Variants in DIPK1B observed in about 807,000 individuals in gnomAD.
DIPK1B encodes the protein divergent protein kinase domain 1B, also known as family with sequence similarity 69 member B.
Under a neutral mutation model 20.7 loss-of-function variants are expected in DIPK1B, and 17 were observed. That is an observed-to-expected ratio of 0.82 (90% confidence interval 0.56 to 1.23). The LOEUF (loss-of-function observed/expected upper bound fraction) is 1.23. Among genes scored for constraint, DIPK1B ranks in the 50% most tolerant of loss-of-function variants. The pLI is 0.00. For synonymous variants in DIPK1B, 343 were observed against 276.5 expected (o/e 1.24, Z -2.39); for missense variants, 648 against 601.8 (o/e 1.08, Z -0.80).
In DIPK1B at chr9:136,723,767, A is replaced by G. The variant is rs1390409888; in HGVS notation, c.1289A>G (p.Tyr430Cys). 6.5e-7 allele frequency: 1 copy of G among 1,534,090 alleles called. No homozygotes were observed. The highest frequency in any genetic ancestry group is 2.0e-5 in the Admixed American group (1 of 50,976). The change falls in exon 5 of 5, where the codon TAC becomes TGC. Residue 430 changes from tyrosine to cysteine, a missense_variant. Tyr to Cys is a radical substitution (Grantham distance 194). Transcript: ENST00000371692. ...TGGAAGAAGATCTCCAACACCAAGT[A>G]CTCTTGATGGGGCAGTGAGGGGCCT... ...LLWKKISNTK[Y>C]S
In DIPK1B at chr9:136,712,598, G is replaced by A; in HGVS notation, c.-68G>A. 2.7e-6 allele frequency: 2 copies of A among 736,260 alleles called. No individual in the cohort carries two copies. Among genetic ancestry groups the A allele is most frequent in the Non-Finnish European group, 3.3e-6 (2 of 604,066 alleles). 45.6% of individuals were successfully genotyped at this position (736,260 alleles called of 1,614,324 possible). ...TGGCGAGGGAGCGGCGGCCGCTGCG[G>A]GCCGGGCCGGGCCGGGGCTGAGGCC... On this transcript the variant is annotated 5_prime_UTR_variant, in exon 1 of 5. Transcript: ENST00000371692. The surrounding 1 kb of genome is among the most constrained non-coding windows in gnomAD (Gnocchi z 5.6).
Position 136,713,530 on chromosome 9 carries a change from A to G in DIPK1B, c.63+802A>G, listed in dbSNP as rs112574897. ...TGGGAAGAGCGTATGGAACCTGGCA[A>G]CCCACAGATTGCAGCGAGACCCTCT... On this transcript the variant is annotated intron_variant, in intron 1 of 4. Transcript: ENST00000371692. 6.2e-4 allele frequency among the ~76,000 whole-genome samples: 95 copies of G among 152,258 alleles called. 2 individuals are homozygous for G. Among genetic ancestry groups the G allele is most frequent in the African/African-American group, 2.0e-3 (84 of 41,540 alleles).
chr9:136,722,898 G>T (rs1488814805), intron 4 of DIPK1B, 64 bp from the exon 5 acceptor site: 1 of 1,479,980 alleles, frequency 6.8e-7, no homozygotes, highest in South Asian at 1.3e-5. Flanking sequence ...CCAGGTAAAG[G>T]CCAGGTCGTG....
Position 136,714,581 on chromosome 9 carries a change from G to A in DIPK1B, c.63+1853G>A, listed in dbSNP as rs143510666. Among the ~76,000 whole-genome samples the A allele has an allele frequency of 1.1e-3, 173 of 152,338 alleles. 2 individuals carry two copies. In the East Asian group the frequency reaches 0.024, roughly 21 times the overall value. ...TGCCTTGGGCACGTTCACCCCAGACGGAGCCATCCGACCTTATCCTGCCAG... is the reference window on the plus strand; with the variant it reads ...TGCCTTGGGCACGTTCACCCCAGACAGAGCCATCCGACCTTATCCTGCCAG... On this transcript the variant is annotated intron_variant, in intron 1 of 4. Transcript: ENST00000371692.
chr9:136,717,431 A>G, intron 1 of DIPK1B, 146 bp from the exon 2 acceptor site: 1 of 880,872 alleles, frequency 1.1e-6, no homozygotes, highest in Non-Finnish European at 1.7e-6. Context: ...GGGTGATTCT[A>G]GAAGACGGGG....
intron 1 of DIPK1B, among the ~76,000 whole-genome samples, chr9:136,715,101 C>T (rs1846478418): frequency 6.6e-6 from 1 of 152,232 alleles, no homozygotes; most frequent in Non-Finnish European, 1.5e-5. Flanking sequence ...CCAGGGCAGC[C>T]TCTCCCTGGC....
Position 136,723,522 on chromosome 9 carries a change from C to A in DIPK1B, c.1044C>A (p.Ala348=), listed in dbSNP as rs780806256. 6.2e-7 allele frequency: 1 copy of A among 1,600,640 alleles called. No homozygotes were observed. The highest frequency in any genetic ancestry group is 8.5e-7 in the Non-Finnish European group (1 of 1,173,932). ...TDCTYGRDCR[A]PCDRLMRQCK... ...GCACCTACGGGCGCGACTGCAGGGC[C>A]CCGTGTGACAGGCTCATGAGGCAGT... The change falls in exon 5 of 5, where the codon GCC becomes GCA. Residue 348 remains alanine (A), a synonymous_variant. Coordinates refer to ENST00000371692, the MANE Select transcript of DIPK1B (RefSeq NM_152421.4).
intron 1 of DIPK1B, among the ~76,000 whole-genome samples, chr9:136,716,706 CGT>C (rs1846501867): frequency 6.6e-6 from 1 of 152,096 alleles, no homozygotes; most frequent in South Asian, 2.1e-4. Flanking sequence ...GGCCCGCCTG[CGT>C]CTCTTAAAGG....
chr9:136,723,905 C>A lies in DIPK1B; in HGVS notation c.*131C>A, dbSNP rs1223436035. The A allele has an allele frequency of 6.3e-6, 6 of 956,336 alleles. No homozygotes were observed. The East Asian group carries it at 7.9e-5, about 13-fold the overall frequency. The allele number at this position is 956,336 out of a possible 1,614,324, so 59.2% of individuals were successfully genotyped here. On this transcript the variant is annotated 3_prime_UTR_variant, in exon 5 of 5. Transcript: ENST00000371692. ...CAAAATCACTCCCCTACCGTCAGGGCTCTGGATTCCAGCACCACAGACATG... is the reference window on the plus strand; with the variant it reads ...CAAAATCACTCCCCTACCGTCAGGGATCTGGATTCCAGCACCACAGACATG...
chr9:136,713,943 T>C (rs937830226), intron 1 of DIPK1B, among the ~76,000 whole-genome samples: 21 of 152,294 alleles, frequency 1.4e-4, no homozygotes, highest in African/African-American at 4.8e-4. Flanking sequence ...ATCCCCTGGG[T>C]GACCTTCCCT....
chr9:136,717,903 C>T (rs570399608), intron 2 of DIPK1B, among the ~76,000 whole-genome samples, 192 bp downstream of exon 2: 124 of 121,740 alleles, frequency 1.0e-3, no homozygotes, highest in African/African-American at 3.6e-3. Context: ...ACGGGGGAGA[C>T]GTGCGGGGCT....
chr9:136,717,487 C>T (rs550087487), intron 1 of DIPK1B, 90 bp from the exon 2 acceptor site: 19 of 1,464,958 alleles, frequency 1.3e-5, no homozygotes, highest in East Asian at 4.9e-5. Flanking sequence ...GGGGTGGATC[C>T]GGAGGCCCTT....
At chr9:136,722,625 C>G (rs1260446627) in intron 4 of DIPK1B, 2 of 561,502 alleles carry the variant, frequency 3.6e-6, no homozygotes, top group Admixed American at 6.4e-5. Context: ...CCCAGGGCTT[C>G]AGCCAGTGCG....
At position 136,712,806 on chromosome 9, in the gene DIPK1B, T is replaced by A; in HGVS notation, c.63+78T>A. The A allele has an allele frequency of 9.3e-7, 1 of 1,074,562 alleles. No individual in the cohort carries two copies. Among genetic ancestry groups the A allele is most frequent in the Non-Finnish European group, 1.2e-6 (1 of 843,058 alleles). The allele number at this position is 1,074,562 out of a possible 1,614,324, so 66.6% of individuals were successfully genotyped here. ...AGCTCCAGCCCCGGAGTGGGCCGAG[T>A]ACGGAGCGGGGCCCCGGGTTCGGAC... On this transcript the variant is annotated intron_variant, in intron 1 of 4. Transcript: ENST00000371692. The surrounding 1 kb of genome is among the most constrained non-coding windows in gnomAD (Gnocchi z 5.6).
At position 136,721,908 on chromosome 9, in the gene DIPK1B, C is replaced by A. The variant is rs746826792; in HGVS notation, c.199-13C>A. 16 of 1,611,858 alleles carry A rather than the reference C, an allele frequency of 9.9e-6. No homozygotes were observed. The African/African-American group carries it at 1.3e-4, about 13-fold the overall frequency. Reference sequence around the variant, plus strand: ...GGCTGCCCCGCCCGGCACGCCTGCACCTGTCTCCTCAGTGTGACCAGTACC... The same window carrying A: ...GGCTGCCCCGCCCGGCACGCCTGCAACTGTCTCCTCAGTGTGACCAGTACC... On this transcript the variant is annotated splice_polypyrimidine_tract_variant and intron_variant, in intron 2 of 4. Coordinates refer to ENST00000371692, the MANE Select transcript of DIPK1B (RefSeq NM_152421.4).
intron 1 of DIPK1B, among the ~76,000 whole-genome samples, chr9:136,713,641 T>C (rs1846457029): frequency 6.6e-6 from 1 of 152,140 alleles, no homozygotes; most frequent in African/African-American, 2.4e-5. Flanking sequence ...ACCACCCCAG[T>C]CGCTGGGAGG....
At chr9:136,722,643 T>C (rs3739940) in intron 4 of DIPK1B, 479,641 of 560,996 alleles carry the variant, frequency 0.85, 205,552 homozygotes, top group East Asian at 0.92. Context: ...GCGTGCCCTC[T>C]GCCCTGTGCC....
In DIPK1B at chr9:136,723,650, C is replaced by T. The variant is rs552963299; in HGVS notation, c.1172C>T (p.Thr391Ile). ...APADLREELG[T>I]QLRTCTTLSG... ...GCCGACCTCCGCGAGGAGCTGGGCACACAGCTGCGCACCTGTACCACGCTG... is the reference window on the plus strand; with the variant it reads ...GCCGACCTCCGCGAGGAGCTGGGCATACAGCTGCGCACCTGTACCACGCTG... The change falls in exon 5 of 5, where the codon ACA becomes ATA. Residue 391 changes from threonine (T) to isoleucine (I), a missense_variant. By Grantham distance (89) the Thr-to-Ile change is moderately conservative. Coordinates refer to ENST00000371692, the MANE Select transcript of DIPK1B (RefSeq NM_152421.4). 14 of 1,561,376 alleles carry T rather than the reference C, an allele frequency of 9.0e-6. No homozygotes were observed. The highest frequency in any genetic ancestry group is 2.4e-5 in the East Asian group (1 of 42,116).
chr9:136,714,638 T>C (rs1846471808), intron 1 of DIPK1B, among the ~76,000 whole-genome samples: 1 of 152,234 alleles, frequency 6.6e-6, no homozygotes, highest in Non-Finnish European at 1.5e-5. Context: ...TTTCTCTGCT[T>C]TCCTGTTTTT....
Sources: allele counts gnomAD v4.1 joint callset (sites outside exome capture counted in the v4.1 genomes callset), GRCh38; gene constraint gnomAD v4.1.1; non-coding constraint Gnocchi (gnomAD v3.1); transcripts MANE v1.5; gene names NCBI Gene and HGNC (gene_info 2026-07-23, HGNC 2026-07-21).